The following CDH13 variants were observed in gnomAD, a reference collection of about 807,000 sequenced individuals.
CDH13 encodes cadherin-13.
In CDH13, 24 loss-of-function variants were observed where a neutral mutation model predicts 63.8. That is an observed-to-expected ratio of 0.38 (90% confidence interval 0.27 to 0.53). The LOEUF is 0.53. Among genes scored for constraint, CDH13 ranks in the 20% least tolerant of loss-of-function variants. The probability of loss-of-function intolerance (pLI) is 0.85; values close to 1 mark genes in which losing one functional copy is unlikely to be tolerated. For missense variants in CDH13, 1,049 were observed against 903.1 expected, an observed-to-expected ratio of 1.16 and a Z score of -2.07; for synonymous variants, 503 against 355.3, an observed-to-expected ratio of 1.42 and a Z score of -4.67.
intron 5 of CDH13, among the ~76,000 whole-genome samples, chr16:83,246,431 T>A (rs1431030456): frequency 6.6e-6 from 1 of 152,208 alleles, no homozygotes; most frequent in Non-Finnish European, 1.5e-5. Flanking sequence ...TCATTTTGAT[T>A]TTCTGCTTTG....
At chr16:83,193,794 CT>C (rs1173560103) in intron 4 of CDH13, among the ~76,000 whole-genome samples, 3 of 152,114 alleles carry the variant, frequency 2.0e-5, no homozygotes, top group Non-Finnish European at 4.4e-5. Flanking sequence ...ATTAACAGCT[CT>C]TAAAAAAATC....
At chr16:82,826,212 TA>T in intron 1 of CDH13, 1 of 152,314 alleles carries the variant, frequency 6.6e-6, no homozygotes, top group Non-Finnish European at 1.5e-5. Context: ...GATTCTGAAG[TA>T]CTTTGCGATA....
intron 7 of CDH13, among the ~76,000 whole-genome samples, chr16:83,522,786 C>G (rs2074871007): frequency 1.3e-5 from 2 of 152,114 alleles, no homozygotes; most frequent in African/African-American, 2.4e-5. Flanking sequence ...TGTGCATTCT[C>G]CTGGGGCTTA....
intron 1 of CDH13, among the ~76,000 whole-genome samples, chr16:82,828,737 C>G (rs1371291002): frequency 6.6e-6 from 1 of 151,230 alleles, no homozygotes; most frequent in Non-Finnish European, 1.5e-5. Context: ...AAAAATAATA[C>G]AAATAAAAAT....
At chr16:83,536,777 G>T (rs568096050) in intron 7 of CDH13, among the ~76,000 whole-genome samples, 1 of 152,170 alleles carries the variant, frequency 6.6e-6, no homozygotes, top group Non-Finnish European at 1.5e-5. Context: ...TGGTAGAGAT[G>T]GGGAGAAGGT....
intron 1 of CDH13, among the ~76,000 whole-genome samples, chr16:82,643,113 T>C (rs990420783): frequency 6.6e-6 from 1 of 152,234 alleles, no homozygotes; most frequent in African/African-American, 2.4e-5. Context: ...ATGTAAATGC[T>C]CTGGAGCTAG....
At chr16:83,206,722 A>T (rs192940474) in intron 4 of CDH13, among the ~76,000 whole-genome samples, 156 of 152,202 alleles carry the variant, frequency 1.0e-3, no homozygotes, top group African/African-American at 3.6e-3. Context: ...ACATTTCAAC[A>T]GTTGTGTTGT....
At position 83,796,172 on chromosome 16, in the gene CDH13, A is replaced by T. The variant is rs927897276; in HGVS notation, c.*1142A>T. The T allele has an allele frequency of 1.3e-5, 2 of 152,522 alleles. No homozygotes were observed. The allele number at this position is 152,522 out of a possible 1,614,324, so 9.4% of individuals were successfully genotyped here. ...AGTAACTGATTTGTATTCTGTGAGC[A>T]TGTAAAAGCGGAAAGTTAGTGCTTG... On this transcript the variant is annotated 3_prime_UTR_variant, in exon 14 of 14. Coordinates refer to ENST00000567109, the MANE Select transcript of CDH13 (RefSeq NM_001257.5).
At chr16:83,546,092 A>G (rs1337490782) in intron 7 of CDH13, among the ~76,000 whole-genome samples, 1 of 152,214 alleles carries the variant, frequency 6.6e-6, no homozygotes, top group African/African-American at 2.4e-5. Context: ...AAATTGGCAG[A>G]GTGAAGAGTG....
chr16:83,633,557 G>C (rs1910970810), intron 8 of CDH13, among the ~76,000 whole-genome samples: 1 of 152,078 alleles, frequency 6.6e-6, no homozygotes, highest in African/African-American at 2.4e-5. Flanking sequence ...TCTAATAAGG[G>C]TTTTTTTCTC....
At chr16:83,008,874 A>G (rs543076939) in intron 2 of CDH13, among the ~76,000 whole-genome samples, 3 of 152,312 alleles carry the variant, frequency 2.0e-5, no homozygotes, top group South Asian at 2.1e-4. Context: ...ACAGTTCAGC[A>G]TGGCTGGGGA....
chr16:83,702,424 G>A (rs967355702), intron 10 of CDH13, among the ~76,000 whole-genome samples: 4 of 152,116 alleles, frequency 2.6e-5, no homozygotes, highest in Admixed American at 1.3e-4. Context: ...ATTTCATGAG[G>A]CTGCCTCTTC....
intron 5 of CDH13, among the ~76,000 whole-genome samples, chr16:83,329,472 G>A (rs536603966): frequency 3.3e-5 from 5 of 151,856 alleles, no homozygotes; most frequent in Non-Finnish European, 7.4e-5. Context: ...CCTGACCTCA[G>A]GTGATGTGGC....
intron 1 of CDH13, among the ~76,000 whole-genome samples, chr16:82,750,705 G>T (rs1273276885): frequency 6.6e-6 from 1 of 152,134 alleles, no homozygotes; most frequent in African/African-American, 2.4e-5. Context: ...AGGTTGGACA[G>T]AACAGTAAGG....
intron 4 of CDH13, among the ~76,000 whole-genome samples, chr16:83,182,561 G>A (rs1296354319): frequency 2.6e-5 from 4 of 152,104 alleles, no homozygotes; most frequent in Admixed American, 2.0e-4. Flanking sequence ...TAAAGTCTGC[G>A]GACACTTGAA....
At chr16:83,434,580 T>G (rs114565275) in intron 6 of CDH13, among the ~76,000 whole-genome samples, 2,043 of 151,796 alleles carry the variant, frequency 0.013, 55 homozygotes, top group African/African-American at 0.047. Context: ...TCAAACTCAA[T>G]TAAAAAAAGA....
At chr16:83,628,749 C>G (rs1354334059) in intron 8 of CDH13, among the ~76,000 whole-genome samples, 1 of 152,172 alleles carries the variant, frequency 6.6e-6, no homozygotes, top group Admixed American at 6.5e-5. Flanking sequence ...TCATGGCCAG[C>G]CAGCTCTCCT....
At chr16:83,570,857 TAA>T (rs1455314589) in intron 7 of CDH13, among the ~76,000 whole-genome samples, 3 of 137,882 alleles carry the variant, frequency 2.2e-5, no homozygotes, top group African/African-American at 2.7e-5. Context: ...TATATAAATA[TAA>T]ATATATTTAT....
chr16:82,699,144 G>A (rs148117847), intron 1 of CDH13, among the ~76,000 whole-genome samples: 1 of 152,298 alleles, frequency 6.6e-6, no homozygotes, highest in African/African-American at 2.4e-5. Context: ...ATAGAAGCCT[G>A]ATTGTTGAAG....
Sources: allele counts gnomAD v4.1 joint callset (sites outside exome capture counted in the v4.1 genomes callset), GRCh38; gene constraint gnomAD v4.1.1; transcripts MANE v1.5; gene names NCBI Gene and HGNC (gene_info 2026-07-23, HGNC 2026-07-21).